Variants in RASGEF1C observed in about 807,000 individuals in gnomAD.
RASGEF1C encodes RasGEF domain family member 1C.
RASGEF1C carries 27 observed loss-of-function variants against 58.1 expected under a neutral mutation model. That is an observed-to-expected ratio of 0.46 (90% CI 0.34 to 0.64). The LOEUF (loss-of-function observed/expected upper bound fraction) is 0.64. RASGEF1C is among the 30% of genes least tolerant of loss of function. The pLI, the probability that RASGEF1C is intolerant of heterozygous loss-of-function variation, is 0.01. For synonymous variants in RASGEF1C, 243 were observed against 246.3 expected (o/e 0.99, Z 0.13); for missense variants, 502 against 605.1 (o/e 0.83, Z 1.79).
At chr5:180,195,916 A>C (rs1756266936) in intron 1 of RASGEF1C, among the ~76,000 whole-genome samples, 1 of 152,202 alleles carries the variant, frequency 6.6e-6, no homozygotes, top group Non-Finnish European at 1.5e-5. Flanking sequence ...AATATTATTA[A>C]AAACACTTAT....
At chr5:180,172,704 C>T (rs974274494) in intron 1 of RASGEF1C, among the ~76,000 whole-genome samples, 11 of 152,186 alleles carry the variant, frequency 7.2e-5, no homozygotes, top group Non-Finnish European at 1.3e-4. Context: ...CCCAGCTCCC[C>T]AAGAGGGGAG....
intron 12 of RASGEF1C, among the ~76,000 whole-genome samples, chr5:180,104,080 T>C (rs534916244): frequency 6.6e-6 from 1 of 152,354 alleles, no homozygotes; most frequent in Non-Finnish European, 1.5e-5. Context: ...TTTGCTTATT[T>C]TGTTAAGGAT....
At chr5:180,109,221 C>T (rs1765915798) in intron 12 of RASGEF1C, among the ~76,000 whole-genome samples, 1 of 152,164 alleles carries the variant, frequency 6.6e-6, no homozygotes, top group South Asian at 2.1e-4. Context: ...CTTTGGGAGG[C>T]TGAGGCGGGT....
intron 1 of RASGEF1C, among the ~76,000 whole-genome samples, chr5:180,192,334 C>G (rs1427962262): frequency 6.6e-6 from 1 of 152,166 alleles, no homozygotes; most frequent in Non-Finnish European, 1.5e-5. Context: ...ACGTTCTAAA[C>G]TAATCATGCC....
In RASGEF1C at chr5:180,151,671, G is replaced by A. The variant is rs1169815185; in HGVS notation, c.-6-13613C>T. Among the ~76,000 whole-genome samples, 9 of 152,112 alleles carry A rather than the reference G, an allele frequency of 5.9e-5. No homozygotes were observed. The East Asian group carries it at 9.6e-4, about 16-fold the overall frequency. On this transcript the variant is annotated intron_variant, in intron 1 of 13. Transcript: ENST00000361132. ...ACATAGGCATAGGCAAGGACTTCAT[G>A]TCTAAAACACCAAAAGCAATGGCAA...
intron 1 of RASGEF1C, among the ~76,000 whole-genome samples, chr5:180,189,979 T>C (rs1756117506): frequency 7.1e-6 from 1 of 140,376 alleles, no homozygotes; most frequent in Non-Finnish European, 1.5e-5. Context: ...GAAATGGTGC[T>C]GGAATAGTTA....
At chr5:180,135,008 C>T (rs1024672632) in intron 4 of RASGEF1C, among the ~76,000 whole-genome samples, 5 of 148,768 alleles carry the variant, frequency 3.4e-5, no homozygotes, top group African/African-American at 5.0e-5. Context: ...TCTTCCCAGC[C>T]GGCCAGCCAG....
At chr5:180,176,369 A>G (rs1561752220) in intron 1 of RASGEF1C, among the ~76,000 whole-genome samples, 1 of 152,206 alleles carries the variant, frequency 6.6e-6, no homozygotes, top group Admixed American at 6.5e-5. Flanking sequence ...TGAGCCCATC[A>G]ATCCAGTCAC....
At chr5:180,103,374 G>A (rs1251549071) in intron 12 of RASGEF1C, among the ~76,000 whole-genome samples, 1 of 152,182 alleles carries the variant, frequency 6.6e-6, no homozygotes, top group Non-Finnish European at 1.5e-5. Context: ...ACCGCACCCG[G>A]CACATCAGCA....
At chr5:180,203,251 T>C (rs750632345) in intron 1 of RASGEF1C, among the ~76,000 whole-genome samples, 2 of 152,250 alleles carry the variant, frequency 1.3e-5, no homozygotes, top group Admixed American at 6.5e-5. Context: ...ACTGGGATTA[T>C]GTTACGTTGT....
At chr5:180,130,574 C>T (rs1766350257) in intron 4 of RASGEF1C, among the ~76,000 whole-genome samples, 1 of 152,234 alleles carries the variant, frequency 6.6e-6, no homozygotes, top group Admixed American at 6.5e-5. Context: ...CTGCCACTCC[C>T]ATCAGTCAAT....
At chr5:180,183,637 C>T (rs1039038550) in intron 1 of RASGEF1C, among the ~76,000 whole-genome samples, 1 of 152,040 alleles carries the variant, frequency 6.6e-6, no homozygotes, top group Admixed American at 6.6e-5. Flanking sequence ...CCAGCCTGAC[C>T]AACATGGAGA....
chr5:180,157,546 G>A (rs1766871198), intron 1 of RASGEF1C, among the ~76,000 whole-genome samples: 1 of 151,060 alleles, frequency 6.6e-6, no homozygotes, highest in Admixed American at 6.6e-5. Context: ...AGAATTGCTT[G>A]AACCCAGGAG....
At chr5:180,184,176 T>A (rs1189304279) in intron 1 of RASGEF1C, among the ~76,000 whole-genome samples, 4 of 147,956 alleles carry the variant, frequency 2.7e-5, no homozygotes, top group East Asian at 2.0e-4. Context: ...AATAAATAAA[T>A]AAAAATAAAT....
At chr5:180,195,740 G>A (rs1379354838) in intron 1 of RASGEF1C, among the ~76,000 whole-genome samples, 1 of 151,798 alleles carries the variant, frequency 6.6e-6, no homozygotes, top group Non-Finnish European at 1.5e-5. Context: ...ACTCCAGCCT[G>A]GGCGACAGAG....
rs1487725281 is a variant in RASGEF1C at position 180,168,051 on chromosome 5, G to C, written c.-6-29993C>G. Among the ~76,000 whole-genome samples the C allele has an allele frequency of 6.6e-6, 1 of 152,074 alleles. No homozygotes were observed. The highest frequency in any genetic ancestry group is 1.5e-5 in the Non-Finnish European group (1 of 68,032). On this transcript the variant is annotated intron_variant, in intron 1 of 13. Transcript: ENST00000361132. The surrounding 1 kb of genome is among the most constrained non-coding windows in gnomAD (Gnocchi z 6.0). ...ACTATAGTTGTCAAAGCCTATGATGGGTTAATGCCATGCTCCTGCAGCTTA... is the reference window on the plus strand; with the variant it reads ...ACTATAGTTGTCAAAGCCTATGATGCGTTAATGCCATGCTCCTGCAGCTTA...
At chr5:180,105,839 G>C (rs1405168091) in intron 12 of RASGEF1C, among the ~76,000 whole-genome samples, 2 of 151,860 alleles carry the variant, frequency 1.3e-5, no homozygotes, top group East Asian at 3.9e-4. Flanking sequence ...CTGCACTCCA[G>C]CCTGGGTGAC....
At chr5:180,193,144 C>T (rs1756198676) in intron 1 of RASGEF1C, among the ~76,000 whole-genome samples, 1 of 145,870 alleles carries the variant, frequency 6.9e-6, no homozygotes, top group Non-Finnish European at 1.5e-5. Context: ...CAAGCTCCAC[C>T]TCCCGGGTTC....
chr5:180,204,280 T>C (rs895325171), intron 1 of RASGEF1C, among the ~76,000 whole-genome samples: 3 of 152,256 alleles, frequency 2.0e-5, no homozygotes, highest in African/African-American at 7.2e-5. Flanking sequence ...TTCATTGTTT[T>C]CATTTCTCTT....
Sources: gnomAD v4.1 joint callset for allele counts (sites outside exome capture counted in the v4.1 genomes callset) on GRCh38, gnomAD v4.1.1 for gene constraint, Gnocchi (gnomAD v3.1) non-coding constraint, MANE v1.5 for transcripts, NCBI Gene and HGNC (gene_info 2026-07-23, HGNC 2026-07-21) for gene names.